SUPT3H: variants seen among roughly 807,000 people sequenced by gnomAD.
SUPT3H encodes the protein transcription initiation protein SPT3 homolog.
Under a neutral mutation model 44.3 loss-of-function variants are expected in SUPT3H, and 44 were observed. The ratio of observed to expected loss-of-function variants is 0.99; its 90% CI spans 0.78 to 1.28. SUPT3H has a LOEUF of 1.28. Ranked by LOEUF, SUPT3H falls within the 50% of genes most tolerant of loss-of-function variation. SUPT3H has a pLI of 0.00. For synonymous variants in SUPT3H, 124 were observed against 125.6 expected, an observed-to-expected ratio of 0.99 and a Z score of 0.09; for missense variants, 380 against 387.1, an observed-to-expected ratio of 0.98 and a Z score of 0.15.
intron 2 of SUPT3H, among the ~76,000 whole-genome samples, chr6:45,191,745 A>C (rs1268462945): frequency 6.6e-6 from 1 of 152,116 alleles, no homozygotes; most frequent in East Asian, 1.9e-4. Flanking sequence ...AGCTACATTC[A>C]AATTTTACAA....
chr6:44,890,359 C>A lies in SUPT3H; in HGVS notation c.912+42294G>T, dbSNP rs546292860. On this transcript the variant is annotated intron_variant, in intron 10 of 10. Coordinates refer to ENST00000371459, the MANE Select transcript of SUPT3H (RefSeq NM_003599.4). ...CAATAGCAAAGACTTGGAACCAACC[C>A]AAATGTCCAACAATGATAGACTGGA... Among the ~76,000 whole-genome samples, 912 of 151,592 alleles carry A rather than the reference C, an allele frequency of 6.0e-3. 9 individuals carry two copies. The highest frequency in any genetic ancestry group is 0.022 in the South Asian group (105 of 4,748).
At chr6:45,067,517 T>C (rs1793571771) in intron 3 of SUPT3H, among the ~76,000 whole-genome samples, 1 of 149,552 alleles carries the variant, frequency 6.7e-6, no homozygotes, top group South Asian at 2.1e-4. Context: ...ACCATCAGAG[T>C]GAACAGGCAA....
chr6:45,182,120 A>G (rs1018471099), intron 2 of SUPT3H, among the ~76,000 whole-genome samples: 6 of 152,160 alleles, frequency 3.9e-5, no homozygotes, highest in African/African-American at 7.2e-5. Context: ...TTCAAAAGCT[A>G]TTCATAATAG....
At chr6:45,101,799 TA>T (rs1044156718) in intron 3 of SUPT3H, among the ~76,000 whole-genome samples, 3 of 151,662 alleles carry the variant, frequency 2.0e-5, no homozygotes, top group Admixed American at 6.6e-5. Context: ...AAAATGATAA[TA>T]AAAAACAAAA....
At chr6:45,264,612 A>G (rs1269309147) in intron 2 of SUPT3H, among the ~76,000 whole-genome samples, 3 of 152,204 alleles carry the variant, frequency 2.0e-5, no homozygotes, top group African/African-American at 7.2e-5. Flanking sequence ...ACAACAGTTC[A>G]TCAGCTATAC....
At chr6:45,106,230 A>G (rs2396381) in intron 2 of SUPT3H, among the ~76,000 whole-genome samples, 132,854 of 152,148 alleles carry the variant, frequency 0.87, 58,271 homozygotes, top group African/African-American at 0.92. Flanking sequence ...CCAAGAGTTC[A>G]TGACCAGCCT....
At chr6:44,901,576 G>A (rs1228569297) in intron 10 of SUPT3H, among the ~76,000 whole-genome samples, 18 of 151,812 alleles carry the variant, frequency 1.2e-4, no homozygotes, top group Admixed American at 4.6e-4. Flanking sequence ...CAGGGAGAAT[G>A]GAACCAAGTT....
chr6:45,147,697 G>C (rs939919932), intron 2 of SUPT3H, among the ~76,000 whole-genome samples: 14 of 151,874 alleles, frequency 9.2e-5, no homozygotes, highest in African/African-American at 3.4e-4. Flanking sequence ...GAAAATTCTA[G>C]CAAGGAAACA....
At chr6:44,903,191 T>A (rs1340758316) in intron 10 of SUPT3H, among the ~76,000 whole-genome samples, 3 of 152,074 alleles carry the variant, frequency 2.0e-5, no homozygotes, top group South Asian at 4.1e-4. Context: ...AGAGCAGGAC[T>A]GAAGGAGATA....
chr6:45,355,379 T>TA (rs1456034055), intron 2 of SUPT3H, among the ~76,000 whole-genome samples: 1 of 152,060 alleles, frequency 6.6e-6, no homozygotes, highest in Non-Finnish European at 1.5e-5. Context: ...TGAGGAAGTA[T>TA]AAAAAATACT....
chr6:44,953,183 T>C, intron 9 of SUPT3H, 127 bp downstream of exon 9: 1 of 681,044 alleles, frequency 1.5e-6, no homozygotes. Context: ...GAATGTCTAA[T>C]GTATTAAGAT....
chr6:44,852,896 A>G (rs973244173), intron 10 of SUPT3H, among the ~76,000 whole-genome samples: 3 of 152,212 alleles, frequency 2.0e-5, no homozygotes, highest in Non-Finnish European at 4.4e-5. Flanking sequence ...CTATGCAGCA[A>G]TTTGTTTTGC....
At chr6:44,906,429 AT>A (rs1177064444) in intron 10 of SUPT3H, among the ~76,000 whole-genome samples, 1 of 152,140 alleles carries the variant, frequency 6.6e-6, no homozygotes, top group African/African-American at 2.4e-5. Flanking sequence ...TGTACAATGG[AT>A]TTCATTTTTC....
intron 2 of SUPT3H, among the ~76,000 whole-genome samples, chr6:45,275,550 A>G (rs1156978945): frequency 1.3e-5 from 2 of 152,200 alleles, no homozygotes; most frequent in East Asian, 3.8e-4. Context: ...GACTAAGAAG[A>G]TAGAATATTT....
intron 6 of SUPT3H, among the ~76,000 whole-genome samples, chr6:44,965,293 T>C (rs1228268998): frequency 6.6e-6 from 1 of 152,184 alleles, no homozygotes; most frequent in African/African-American, 2.4e-5. Context: ...GCAGAACCCC[T>C]AGGCTGGTAT....
chr6:45,211,100 T>A (rs541073014), intron 2 of SUPT3H, among the ~76,000 whole-genome samples: 1 of 152,242 alleles, frequency 6.6e-6, no homozygotes, highest in African/African-American at 2.4e-5. Context: ...CCATTTTTTT[T>A]AAACAAAGAA....
chr6:45,184,132 T>C (rs1448232807), intron 2 of SUPT3H, among the ~76,000 whole-genome samples: 3 of 152,098 alleles, frequency 2.0e-5, no homozygotes, highest in African/African-American at 7.2e-5. Context: ...ATGGAAACAC[T>C]CTATACTTCC....
At chr6:45,244,955 G>C (rs1289050040) in intron 2 of SUPT3H, among the ~76,000 whole-genome samples, 3 of 151,978 alleles carry the variant, frequency 2.0e-5, no homozygotes, top group African/African-American at 7.2e-5. Context: ...AATACAACCA[G>C]TTACTAAATA....
chr6:45,093,661 C>T (rs1207601526), intron 3 of SUPT3H, among the ~76,000 whole-genome samples: 3 of 152,034 alleles, frequency 2.0e-5, no homozygotes, highest in African/African-American at 4.8e-5. Flanking sequence ...AGAAAGAGAA[C>T]CTGATGCATG....
Sources: allele counts gnomAD v4.1 joint callset (sites outside exome capture counted in the v4.1 genomes callset), GRCh38; gene constraint gnomAD v4.1.1; transcripts MANE v1.5; gene names NCBI Gene and HGNC (gene_info 2026-07-23, HGNC 2026-07-21).